Variants in ABL2 observed in about 807,000 individuals in gnomAD.
The protein encoded by ABL2 is tyrosine-protein kinase ABL2.
A neutral mutation model predicts 107.7 loss-of-function variants in ABL2; 49 were observed. The observed-to-expected ratio is 0.45, with a 90% CI of 0.36 to 0.58. The LOEUF is 0.58. Among genes scored for constraint, ABL2 ranks in the 20% least tolerant of loss-of-function variants. The pLI, the probability that ABL2 is intolerant of heterozygous loss-of-function variation, is 0.00. For missense variants in ABL2, 1,245 were observed against 1,457.0 expected, an observed-to-expected ratio of 0.85 and a Z score of 2.37; for synonymous variants, 549 against 548.6, an observed-to-expected ratio of 1.00 and a Z score of -0.01.
At position 179,158,743 on chromosome 1, in the gene ABL2, T is replaced by C. The variant is rs28914495; in HGVS notation, c.158-25369A>G. Among the ~76,000 whole-genome samples, 610 of 152,346 alleles carry C rather than the reference T, an allele frequency of 4.0e-3. 5 individuals are homozygous for C. Among genetic ancestry groups the C allele is most frequent in the African/African-American group, 0.014 (567 of 41,582 alleles). ...CAAAAGTCCTCAATAAATTATTTAATACTAGCAAACCAAATCTAGCAGGAT... is the reference window on the plus strand; with the variant it reads ...CAAAAGTCCTCAATAAATTATTTAACACTAGCAAACCAAATCTAGCAGGAT... On this transcript the variant is annotated intron_variant, in intron 1 of 11. Transcript: ENST00000502732.
At chr1:179,118,506 G>A (rs1654873456) in intron 7 of ABL2, 81 bp downstream of exon 7, 5 of 1,405,234 alleles carry the variant, frequency 3.6e-6, no homozygotes, top group Middle Eastern at 1.8e-4. Flanking sequence ...GAAATTTTCT[G>A]GGAAGGTTCT....
intron 1 of ABL2, among the ~76,000 whole-genome samples, chr1:179,190,609 G>A (rs932269136): frequency 7.2e-5 from 11 of 152,136 alleles, no homozygotes; most frequent in South Asian, 6.2e-4. Context: ...GGGTGGGGTG[G>A]GATGGAGGGG....
intron 4 of ABL2, among the ~76,000 whole-genome samples, chr1:179,125,310 T>C (rs904602727): frequency 2.6e-5 from 4 of 152,260 alleles, no homozygotes; most frequent in Non-Finnish European, 5.9e-5. Flanking sequence ...TTCGCTTCTG[T>C]TGTTGAATGA....
intron 1 of ABL2, among the ~76,000 whole-genome samples, chr1:179,187,880 C>T (rs1387769704): frequency 6.6e-6 from 1 of 152,124 alleles, no homozygotes; most frequent in African/African-American, 2.4e-5. Context: ...CTAGACTGAA[C>T]CCTATAAACT....
chr1:179,206,390 C>T (rs1390259511), intron 1 of ABL2, among the ~76,000 whole-genome samples: 1 of 151,684 alleles, frequency 6.6e-6, no homozygotes, highest in African/African-American at 2.4e-5. Flanking sequence ...TAGCACATGT[C>T]TAAAATGACA....
intron 1 of ABL2, among the ~76,000 whole-genome samples, chr1:179,215,277 G>A (rs887895191): frequency 2.0e-5 from 3 of 152,108 alleles, no homozygotes; most frequent in African/African-American, 7.2e-5. Flanking sequence ...TTCTGAAATG[G>A]CTGGGTGTGG....
chr1:179,101,225 G>C lies in ABL2; in HGVS notation c.*6493C>G. 2 of 224,626 alleles carry C rather than the reference G, an allele frequency of 8.9e-6. No individual in the cohort carries two copies. The highest frequency in any genetic ancestry group is 1.3e-4 in the East Asian group (2 of 15,568). 13.9% of individuals were successfully genotyped at this position (224,626 alleles called of 1,614,324 possible). On this transcript the variant is annotated 3_prime_UTR_variant, in exon 12 of 12. Coordinates refer to ENST00000502732, the MANE Select transcript of ABL2 (RefSeq NM_007314.4). ...CAAGGGTGGCCTCTCAGCAGTTTCTGCCATTCCAAGTCAGCTTTGAATCAT... is the reference window on the plus strand; with the variant it reads ...CAAGGGTGGCCTCTCAGCAGTTTCTCCCATTCCAAGTCAGCTTTGAATCAT...
chr1:179,114,409 AAAGC>A (rs746694284), intron 9 of ABL2, among the ~76,000 whole-genome samples: 129 of 152,294 alleles, frequency 8.5e-4, no homozygotes, highest in Non-Finnish European at 1.7e-3. Context: ...CCTGGGCAAC[AAAGC>A]AAGAGTGTTT....
In ABL2 at chr1:179,099,617, C is replaced by CA. The variant is rs1255741150; in HGVS notation, c.*8100dup. The CA allele has an allele frequency of 8.7e-6, 2 of 230,922 alleles. No homozygotes were observed. Among genetic ancestry groups the CA allele is most frequent in the Non-Finnish European group, 1.7e-5 (2 of 116,654 alleles). The allele number at this position is 230,922 out of a possible 1,614,324, so 14.3% of individuals were successfully genotyped here. A position where few individuals can be genotyped will look rare whatever the true frequency, so the allele number is the denominator to read the frequency against. On this transcript the variant is annotated 3_prime_UTR_variant, in exon 12 of 12. Coordinates refer to ENST00000502732, the MANE Select transcript of ABL2 (RefSeq NM_007314.4). ...ACATTGTCTCACTATGTCCCCTTAG[C>CA]AATGCACACAGTGCCCGATGCTCCA...
intron 9 of ABL2, among the ~76,000 whole-genome samples, chr1:179,114,350 G>GTGAGCCGAAATCACGTCAC (rs60644325): frequency 2.0e-5 from 3 of 150,640 alleles, no homozygotes; most frequent in East Asian, 2.0e-4. Context: ...AGAGGTTTCA[G>GTGAGCCGAAATCACGTCAC]TGAGCCGAAA....
intron 1 of ABL2, among the ~76,000 whole-genome samples, chr1:179,160,722 T>A (rs1190196259): frequency 3.3e-5 from 5 of 152,190 alleles, no homozygotes. Flanking sequence ...AATTCATAAT[T>A]TTCCAAATGT....
At chr1:179,212,773 G>A (rs1443847466) in intron 1 of ABL2, among the ~76,000 whole-genome samples, 3 of 143,358 alleles carry the variant, frequency 2.1e-5, no homozygotes, top group African/African-American at 5.2e-5. Context: ...CTGGCTGGGC[G>A]TGGTGGCTCA....
rs2102612971 is a variant in ABL2 at position 179,117,385 on chromosome 1, G to A, written c.1355C>T (p.Thr452Ile). The A allele has an allele frequency of 1.2e-6, 2 of 1,614,128 alleles. No individual in the cohort carries two copies. Among genetic ancestry groups the A allele is most frequent in the Non-Finnish European group, 1.7e-6 (2 of 1,180,034 alleles). ...ATTGTAGGCAAGACTCTCTGGTGCT[G>A]TCCACTTAATAGGAAATTTGGCTCC... ...HAGAKFPIKW[T>I]APESLAYNTF... Residue 452 changes from threonine (T) to isoleucine (I), a missense_variant, in exon 8 of 12, where the codon ACA becomes ATA. By Grantham distance (89) the Thr-to-Ile change is moderately conservative. Around this residue, in one of 3 missense-constraint regions of ABL2, gnomAD observed 320 missense variants for 547.0 expected, o/e 0.59. Coordinates refer to ENST00000502732, the MANE Select transcript of ABL2 (RefSeq NM_007314.4).
In ABL2 at chr1:179,121,669, C is replaced by G; in HGVS notation, c.886G>C (p.Gly296Arg). ...TDITMKHKLG[G>R]GQYGEVYVGV... ...ACGTAAACCTCTCCATACTGACCGCCCCCAAGTTTGTGCTTCATGGTAATA... is the reference window on the plus strand; with the variant it reads ...ACGTAAACCTCTCCATACTGACCGCGCCCAAGTTTGTGCTTCATGGTAATA... The change falls in exon 5 of 12, where the codon GGC becomes CGC. Residue 296 changes from glycine to arginine, a missense_variant. By Grantham distance (125) the Gly-to-Arg change is moderately radical. Coordinates refer to ENST00000502732, the MANE Select transcript of ABL2 (RefSeq NM_007314.4). The G allele has an allele frequency of 6.2e-7, 1 of 1,614,166 alleles. No homozygotes were observed. Among genetic ancestry groups the G allele is most frequent in the Non-Finnish European group, 8.5e-7 (1 of 1,180,046 alleles).
chr1:179,126,308 C>T lies in ABL2; in HGVS notation c.687+69G>A. On this transcript the variant is annotated intron_variant, in intron 4 of 11. Transcript: ENST00000502732. The surrounding 1 kb of genome is among the most constrained non-coding windows in gnomAD (Gnocchi z 4.4). ...AGACATAAAATCTATTATTTCACTT[C>T]AATCACGTTGAATATTATTTCACAG... is the stretch of plus-strand genomic sequence containing the variant. 1 of 1,491,930 alleles carries T rather than the reference C, an allele frequency of 6.7e-7. No individual in the cohort carries two copies. The highest frequency in any genetic ancestry group is 9.1e-7 in the Non-Finnish European group (1 of 1,094,254). The allele number at this position is 1,491,930 out of a possible 1,614,324, so 92.4% of individuals were successfully genotyped here.
chr1:179,207,199 C>T (rs1662023846), intron 1 of ABL2, among the ~76,000 whole-genome samples: 1 of 150,716 alleles, frequency 6.6e-6, no homozygotes, highest in South Asian at 2.1e-4. Flanking sequence ...GCCTCTACCA[C>T]TAGCTGTTCT....
intron 1 of ABL2, among the ~76,000 whole-genome samples, chr1:179,210,099 A>C (rs772841859): frequency 6.6e-6 from 1 of 152,180 alleles, no homozygotes; most frequent in Admixed American, 6.5e-5. Context: ...TCCTGCCTCA[A>C]GCAATCTTCC....
chr1:179,220,278 T>C (rs180992496), intron 1 of ABL2, among the ~76,000 whole-genome samples: 2 of 152,326 alleles, frequency 1.3e-5, no homozygotes, highest in East Asian at 3.9e-4. Context: ...ATGAAAGACA[T>C]AAAAGGTCTT....
chr1:179,157,373 T>C (rs1281591056), intron 1 of ABL2, among the ~76,000 whole-genome samples: 1 of 151,926 alleles, frequency 6.6e-6, no homozygotes, highest in Non-Finnish European at 1.5e-5. Flanking sequence ...GGCGTGTGCC[T>C]ATAATCTCAG....
Sources: allele counts gnomAD v4.1 joint callset (sites outside exome capture counted in the v4.1 genomes callset), GRCh38; gene constraint gnomAD v4.1.1; regional missense constraint gnomAD v4.1.1; non-coding constraint Gnocchi (gnomAD v3.1); transcripts MANE v1.5; gene names NCBI Gene and HGNC (gene_info 2026-07-23, HGNC 2026-07-21).